Variants in MDH1B observed in about 807,000 individuals in gnomAD.
MDH1B encodes putative malate dehydrogenase 1B.
A neutral mutation model predicts 61.4 loss-of-function variants in MDH1B; 60 were observed. That is an observed-to-expected ratio of 0.98 (90% CI 0.79 to 1.21). MDH1B has a LOEUF of 1.21. Among genes scored for constraint, MDH1B ranks in the 50% most tolerant of loss-of-function variants. The probability of loss-of-function intolerance (pLI) is 0.00; values close to 1 mark genes in which losing one functional copy is unlikely to be tolerated. For missense variants in MDH1B, 587 were observed against 632.1 expected (o/e 0.93, Z 0.76); for synonymous variants, 236 against 218.7 (o/e 1.08, Z -0.70).
At chr2:206,752,325 A>G (rs1574636505) in intron 5 of MDH1B, among the ~76,000 whole-genome samples, 1 of 152,220 alleles carries the variant, frequency 6.6e-6, no homozygotes, top group East Asian at 1.9e-4. Context: ...AAGCTAAGAA[A>G]AGGGATGATT....
At chr2:206,760,496 G>A (rs1689027137) in intron 2 of MDH1B, among the ~76,000 whole-genome samples, 1 of 152,066 alleles carries the variant, frequency 6.6e-6, no homozygotes, top group Non-Finnish European at 1.5e-5. Flanking sequence ...CTGTTCCCAA[G>A]ACCACTTCCC....
At chr2:206,764,132 C>CTACAAAAA (rs1048196383) in intron 1 of MDH1B, among the ~76,000 whole-genome samples, 3 of 151,990 alleles carry the variant, frequency 2.0e-5, no homozygotes, top group Non-Finnish European at 2.9e-5. Flanking sequence ...AACCCCATCT[C>CTACAAAAA]TACAAAAATA....
In MDH1B at chr2:206,745,612, A is replaced by G; in HGVS notation, c.1408+10T>C. ...AGCAGTCCAATAAAACATCACGTCT[A>G]AGAGCTTACCTGATTGGTATGGCTG... On this transcript the variant is annotated intron_variant, in intron 9 of 11. Coordinates refer to ENST00000374412, the MANE Select transcript of MDH1B (RefSeq NM_001039845.3). The G allele has an allele frequency of 6.2e-7, 1 of 1,603,826 alleles. No homozygotes were observed. The highest frequency in any genetic ancestry group is 8.5e-7 in the Non-Finnish European group (1 of 1,172,830).
intron 2 of MDH1B, 94 bp from the exon 3 acceptor site, chr2:206,757,465 C>T (rs1003905268): frequency 1.6e-6 from 2 of 1,217,762 alleles, no homozygotes; most frequent in African/African-American, 3.0e-5. Flanking sequence ...TACTAGGTTG[C>T]TTTTAATGTC....
At position 206,755,214 on chromosome 2, in the gene MDH1B, G is replaced by A; in HGVS notation, c.705C>T (p.Leu235=). ...LEDCLRSRVP[L]CRLYGYLIEK... Reference sequence around the variant, plus strand: ...CTATCAGGTACCCATAGAGCCTGCAGAGAGGCACCCTGCTTCGGAGGCAGT... The same window carrying A: ...CTATCAGGTACCCATAGAGCCTGCAAAGAGGCACCCTGCTTCGGAGGCAGT... Residue 235 remains leucine (L), a synonymous_variant, in exon 5 of 12, where the codon CTC becomes CTT. Coordinates refer to ENST00000374412, the MANE Select transcript of MDH1B (RefSeq NM_001039845.3). The A allele has an allele frequency of 6.2e-7, 1 of 1,614,192 alleles. No homozygotes were observed. Among genetic ancestry groups the A allele is most frequent in the East Asian group, 2.2e-5 (1 of 44,884 alleles).
chr2:206,743,367 C>G (rs1191212520), intron 9 of MDH1B, among the ~76,000 whole-genome samples: 1 of 152,182 alleles, frequency 6.6e-6, no homozygotes, highest in Non-Finnish European at 1.5e-5. Flanking sequence ...TCTTTTACAT[C>G]ATCAGATTCC....
chr2:206,748,911 C>CAGCTAATGGACCATGTTAAG (rs1688275236), intron 7 of MDH1B, 109 bp downstream of exon 7: 2 of 833,740 alleles, frequency 2.4e-6, no homozygotes, highest in African/African-American at 3.4e-5. Context: ...AAAGTCCAGG[C>CAGCTAATGGACCATGTTAAG]AGCTAATGGA....
intron 1 of MDH1B, among the ~76,000 whole-genome samples, chr2:206,763,148 C>T (rs1369099671): frequency 2.0e-5 from 3 of 151,982 alleles, no homozygotes; most frequent in African/African-American, 7.2e-5. Flanking sequence ...CATTCCCCTA[C>T]TAAATGTGCT....
intron 4 of MDH1B, among the ~76,000 whole-genome samples, chr2:206,755,962 A>G (rs1465579344): frequency 6.6e-6 from 1 of 151,278 alleles, no homozygotes; most frequent in Non-Finnish European, 1.5e-5. Flanking sequence ...ATTCTTACAC[A>G]GAAAAATCCT....
chr2:206,739,142 A>C (rs898603539), intron 11 of MDH1B, among the ~76,000 whole-genome samples: 3 of 152,182 alleles, frequency 2.0e-5, no homozygotes, highest in Non-Finnish European at 4.4e-5. Flanking sequence ...CAGGCCAGGC[A>C]CGGTGGCTCA....
At chr2:206,740,155 T>C (rs1687729711) in intron 10 of MDH1B, among the ~76,000 whole-genome samples, 1 of 152,158 alleles carries the variant, frequency 6.6e-6, no homozygotes, top group South Asian at 2.1e-4. Flanking sequence ...AATGTGGAGG[T>C]TACGGACACC....
chr2:206,762,105 G>A (rs1007167496), intron 1 of MDH1B, among the ~76,000 whole-genome samples: 10 of 152,078 alleles, frequency 6.6e-5, no homozygotes, highest in Non-Finnish European at 1.3e-4. Context: ...AGCTTTAATT[G>A]GCCCTCAACC....
At chr2:206,748,589 T>TCTTTCCACA (rs1369097545) in intron 7 of MDH1B, among the ~76,000 whole-genome samples, 1 of 152,208 alleles carries the variant, frequency 6.6e-6, no homozygotes, top group East Asian at 1.9e-4. Context: ...TGCCCAGTGT[T>TCTTTCCACA]CTTTCCACAC....
At chr2:206,756,786 A>G in intron 4 of MDH1B, 112 bp downstream of exon 4, 2 of 1,195,574 alleles carry the variant, frequency 1.7e-6, no homozygotes, top group Non-Finnish European at 2.4e-6. Context: ...CATACACACA[A>G]ATTTCAAACC....
chr2:206,755,744 T>C (rs1323584051), intron 4 of MDH1B, among the ~76,000 whole-genome samples: 1 of 152,134 alleles, frequency 6.6e-6, no homozygotes, highest in Non-Finnish European at 1.5e-5. Context: ...TATACCTGTT[T>C]ATTAGGTTTT....
rs142107556 is a variant in MDH1B, at chr2:206,738,627, A to C, written c.1529-116T>G. 1,026 of 661,508 alleles carry C rather than the reference A, an allele frequency of 1.6e-3. 9 individuals carry two copies. In the African/African-American group the frequency reaches 0.017, roughly 11 times the overall value. The allele number at this position is 661,508 out of a possible 1,614,324, so 41.0% of individuals were successfully genotyped here. On this transcript the variant is annotated intron_variant, in intron 11 of 11. Coordinates refer to ENST00000374412, the MANE Select transcript of MDH1B (RefSeq NM_001039845.3). ...TGTATTCATGATTCAATAGCTGAGA[A>C]AGTGCATGTGTGAGAGTGATTCTAT...
At chr2:206,741,138 T>G (rs1265603025) in intron 9 of MDH1B, 34 bp from the exon 10 acceptor site, 1 of 1,611,458 alleles carries the variant, frequency 6.2e-7, no homozygotes, top group African/African-American at 1.3e-5. Context: ...ATGCTGGATT[T>G]AGAATATAAC....
chr2:206,754,801 TATA>T (rs1187274647), intron 5 of MDH1B, among the ~76,000 whole-genome samples: 1 of 152,202 alleles, frequency 6.6e-6, no homozygotes, highest in Non-Finnish European at 1.5e-5. Context: ...TATTGATTTT[TATA>T]ATGATGGAAA....
Position 206,756,947 on chromosome 2 carries a change from C to T in MDH1B, c.364G>A (p.Glu122Lys). 1.2e-6 allele frequency: 2 copies of T among 1,614,106 alleles called. No homozygotes were observed. The highest frequency in any genetic ancestry group is 1.7e-6 in the Non-Finnish European group (2 of 1,179,996). Residue 122 changes from glutamate to lysine, a missense_variant, in exon 4 of 12, where the codon GAA (glutamate) becomes AAA (lysine). Transcript: ENST00000374412. The stretch of plus-strand genomic sequence containing the variant: ...TTGATGCAAGTTTTCAGGGCTTCTT[C>T]CTCCTGCTCTTTTTCTATATGTGCC... ...LGAHIEKEQEEEALKTCINPL... is the reference protein window; with the variant it reads ...LGAHIEKEQEKEALKTCINPL...
Sources: allele counts gnomAD v4.1 joint callset (sites outside exome capture counted in the v4.1 genomes callset), GRCh38; gene constraint gnomAD v4.1.1; transcripts MANE v1.5; gene names NCBI Gene and HGNC (gene_info 2026-07-23, HGNC 2026-07-21).